MS4A15: variants seen among roughly 807,000 people sequenced by gnomAD.
MS4A15 encodes the protein membrane spanning 4-domains A15.
A neutral mutation model predicts 20.6 loss-of-function variants in MS4A15; 22 were observed. That is an observed-to-expected ratio of 1.07 (90% CI 0.76 to 1.52). The LOEUF (loss-of-function observed/expected upper bound fraction) is 1.52, where lower values mean the gene tolerates loss of function less well. MS4A15 is among the 40% of genes most tolerant of loss of function. The pLI, the probability that MS4A15 is intolerant of heterozygous loss-of-function variation, is 0.00. For missense variants in MS4A15, 312 were observed against 323.0 expected, an observed-to-expected ratio of 0.97 and a Z score of 0.26; for synonymous variants, 129 against 129.3, an observed-to-expected ratio of 1.00 and a Z score of 0.02.
At chr11:60,771,528 A>G in intron 4 of MS4A15, 181 bp downstream of exon 4, 2 of 1,534,428 alleles carry the variant, frequency 1.3e-6, no homozygotes, top group African/African-American at 2.7e-5. Context: ...TGTCCAGGAG[A>G]AGAAGACAGG....
At position 60,771,344 on chromosome 11, in the gene MS4A15, C is replaced by A. The variant is rs200262043; in HGVS notation, c.402C>A (p.Cys134Ter). 1 of 1,614,090 alleles carries A rather than the reference C, an allele frequency of 6.2e-7. No homozygotes were observed. The highest frequency in any genetic ancestry group is 8.5e-7 in the Non-Finnish European group (1 of 1,180,020). The change falls in exon 4 of 7, where the codon TGC becomes TGA. Residue 134 changes from cysteine to a stop codon, truncating the protein, a stop_gained. Transcript: ENST00000405633. LOFTEE classifies it high-confidence loss of function. ...CAGCCGAGAAGAACCACACCAGTTG[C>A]CTGGTGAGTGTGAACAGGGGGACCC... ...SVAAEKNHTS[C>*]LVRSSLGTNI...
chr11:60,764,360 G>A (rs565562283), intron 2 of MS4A15, among the ~76,000 whole-genome samples: 2 of 152,144 alleles, frequency 1.3e-5, no homozygotes, highest in Non-Finnish European at 2.9e-5. Flanking sequence ...TTGGGAATGA[G>A]TGTGGCTGTT....
intron 1 of MS4A15, among the ~76,000 whole-genome samples, chr11:60,759,549 G>C (rs544748178): frequency 5.3e-5 from 8 of 152,174 alleles, no homozygotes; most frequent in African/African-American, 1.4e-4. Flanking sequence ...TGCTGAGGAG[G>C]ATTAGTAAAA....
intron 6 of MS4A15, among the ~76,000 whole-genome samples, chr11:60,775,171 C>T (rs1043497607): frequency 2.0e-5 from 3 of 151,940 alleles, no homozygotes; most frequent in Non-Finnish European, 2.9e-5. Flanking sequence ...CAAAAAATTA[C>T]CTGGGCATGG....
intron 2 of MS4A15, among the ~76,000 whole-genome samples, chr11:60,766,540 A>G (rs1378593052): frequency 6.6e-6 from 1 of 152,182 alleles, no homozygotes; most frequent in Non-Finnish European, 1.5e-5. Flanking sequence ...GTGGTGGTCT[A>G]TCCACAGGGG....
At chr11:60,758,799 C>G (rs1187492314) in intron 1 of MS4A15, among the ~76,000 whole-genome samples, 1 of 152,196 alleles carries the variant, frequency 6.6e-6, no homozygotes, top group Non-Finnish European at 1.5e-5. Flanking sequence ...TGAGCCCTTG[C>G]TTCATGCCAC....
chr11:60,756,980 C>G lies in MS4A15; in HGVS notation c.-107C>G, dbSNP rs1039931111. 5 of 152,192 alleles carry G rather than the reference C, an allele frequency of 3.3e-5. No individual in the cohort carries two copies. Among genetic ancestry groups the G allele is most frequent in the African/African-American group, 1.2e-4 (5 of 41,520 alleles). 9.4% of individuals were successfully genotyped at this position (152,192 alleles called of 1,614,324 possible). A position where few individuals can be genotyped will look rare whatever the true frequency, so the allele number is the denominator to read the frequency against. ...TGGCGTTCACTGCAAGCTATAAGCT[C>G]TGCAAGTGGTGACCCCGACGTGATC... is the stretch of plus-strand genomic sequence containing the variant. On this transcript the variant is annotated 5_prime_UTR_variant, in exon 1 of 7. Coordinates refer to ENST00000405633, the MANE Select transcript of MS4A15 (RefSeq NM_001098835.2).
intron 1 of MS4A15, among the ~76,000 whole-genome samples, chr11:60,761,486 C>A (rs1057251916): frequency 2.0e-5 from 3 of 152,154 alleles, no homozygotes; most frequent in African/African-American, 7.2e-5. Flanking sequence ...AGACAGCCTG[C>A]GCCATGTCAA....
At position 60,776,187 on chromosome 11, in the gene MS4A15, G is replaced by A. The variant is rs142666290; in HGVS notation, c.*472G>A. On this transcript the variant is annotated 3_prime_UTR_variant, in exon 7 of 7. Transcript: ENST00000405633. ...ACAGCAGGGTAGTGGCCTGGCCGCA[G>A]GTCTCCTGGCCCCAAGATCAGCTCT... 5 of 153,160 alleles carry A rather than the reference G, an allele frequency of 3.3e-5. No homozygotes were observed. The highest frequency in any genetic ancestry group is 7.3e-5 in the Non-Finnish European group (5 of 68,626). The allele number at this position is 153,160 out of a possible 1,614,324, so 9.5% of individuals were successfully genotyped here.
In MS4A15 at chr11:60,773,294, AGGCAGCGTGCTGGGGGCTG is replaced by A. The variant is rs1854088541; in HGVS notation, c.406-91_406-73del. On this transcript the variant is annotated intron_variant, in intron 4 of 6. Coordinates refer to ENST00000405633, the MANE Select transcript of MS4A15 (RefSeq NM_001098835.2). ...TGGCCACTGCCTCCTTGGCTGTGGG[AGGCAGCGTGCTGGGGGCTG>A]GGCAGCTGAGCCACAGCCCCTGCCT... 7.6e-6 allele frequency: 7 copies of A among 915,770 alleles called. No homozygotes were observed. In the East Asian group the frequency reaches 1.6e-4, roughly 21 times the overall value. 56.7% of individuals were successfully genotyped at this position (915,770 alleles called of 1,614,324 possible).
intron 1 of MS4A15, among the ~76,000 whole-genome samples, chr11:60,762,686 A>C (rs915378804): frequency 1.3e-5 from 2 of 152,222 alleles, no homozygotes; most frequent in African/African-American, 2.4e-5. Flanking sequence ...AAAAAGCAAT[A>C]AAAGCTTACC....
Position 60,767,660 on chromosome 11 carries a change from G to C in MS4A15, c.348+5G>C, listed in dbSNP as rs1446106650. The C allele has an allele frequency of 3.9e-6, 6 of 1,546,224 alleles. No individual in the cohort carries two copies. Among genetic ancestry groups the C allele is most frequent in the Non-Finnish European group, 4.4e-6 (5 of 1,144,862 alleles). ...CCCTTCTGGGGAGGAGCCTGCGTGA[G>C]TGCCGGGGCCATGGAGAGGGAGGGT... is the stretch of plus-strand genomic sequence containing the variant. On this transcript the variant is annotated splice_donor_5th_base_variant and intron_variant, in intron 3 of 6. Coordinates refer to ENST00000405633, the MANE Select transcript of MS4A15 (RefSeq NM_001098835.2).
intron 2 of MS4A15, 54 bp from the exon 3 acceptor site, chr11:60,767,479 C>T (rs1853911334): frequency 4.9e-6 from 7 of 1,418,218 alleles, no homozygotes; most frequent in Non-Finnish European, 6.5e-6. Flanking sequence ...GCGGGGCCGG[C>T]AGGGGGCGGT....
chr11:60,763,208 TAGAA>T (rs1404351965), intron 1 of MS4A15, among the ~76,000 whole-genome samples: 19 of 152,266 alleles, frequency 1.2e-4, no homozygotes, highest in African/African-American at 3.6e-4. Flanking sequence ...GGTGGCCAAA[TAGAA>T]AGCTTCCCAC....
intron 3 of MS4A15, 99 bp from the exon 4 acceptor site, chr11:60,771,192 C>A: frequency 7.2e-7 from 1 of 1,380,332 alleles, no homozygotes. Context: ...CATCAGGAGG[C>A]TGTTGTCTCT....
intron 3 of MS4A15, among the ~76,000 whole-genome samples, chr11:60,768,214 G>C (rs2134717143): frequency 6.6e-6 from 1 of 152,230 alleles, no homozygotes; most frequent in East Asian, 1.9e-4. Flanking sequence ...AAAAGGGATG[G>C]AGGGCATCAG....
chr11:60,760,482 G>A (rs1853710742), intron 1 of MS4A15, among the ~76,000 whole-genome samples: 1 of 152,130 alleles, frequency 6.6e-6, no homozygotes, highest in Admixed American at 6.5e-5. Flanking sequence ...CCATGTTACT[G>A]TGGACACTTA....
At position 60,770,157 on chromosome 11, in the gene MS4A15, G is replaced by A. The variant is rs527669564; in HGVS notation, c.349-1134G>A. Among the ~76,000 whole-genome samples the A allele has an allele frequency of 4.6e-5, 7 of 152,232 alleles. No homozygotes were observed. The East Asian group carries it at 5.8e-4, about 13-fold the overall frequency. Reference sequence around the variant, plus strand: ...TATCCTTATGGATAGCCTCGTGCCCGGCTGTTGTCATCCCAGCTCACAGAG... The same window carrying A: ...TATCCTTATGGATAGCCTCGTGCCCAGCTGTTGTCATCCCAGCTCACAGAG... On this transcript the variant is annotated intron_variant, in intron 3 of 6. Coordinates refer to ENST00000405633, the MANE Select transcript of MS4A15 (RefSeq NM_001098835.2).
chr11:60,762,698 C>T (rs1235875265), intron 1 of MS4A15, among the ~76,000 whole-genome samples: 1 of 152,120 alleles, frequency 6.6e-6, no homozygotes, highest in Admixed American at 6.5e-5. Flanking sequence ...AAGCTTACCT[C>T]GCTTTAAATA....
Sources: allele counts gnomAD v4.1 joint callset (sites outside exome capture counted in the v4.1 genomes callset), GRCh38; gene constraint gnomAD v4.1.1; transcripts MANE v1.5; gene names NCBI Gene and HGNC (gene_info 2026-07-23, HGNC 2026-07-21).